The following DMD variants were observed in gnomAD, a reference collection of about 807,000 sequenced individuals.
DMD encodes dystrophin, also known as mutant dystrophin.
DMD carries 63 observed loss-of-function variants against 330.1 expected under a neutral mutation model. That is an observed-to-expected ratio of 0.19 (90% CI 0.16 to 0.24). The LOEUF (loss-of-function observed/expected upper bound fraction) is 0.24, where lower values mean the gene tolerates loss of function less well. Ranked by LOEUF, DMD falls within the 10% of genes least tolerant of loss-of-function variation. The pLI is 1.00. For missense variants in DMD, 3,344 were observed against 2,684.1 expected, an observed-to-expected ratio of 1.25 and a Z score of -5.43; for synonymous variants, 1,223 against 959.8, an observed-to-expected ratio of 1.27 and a Z score of -5.07.
At chrX:33,166,441 C>A (rs878992017) in intron 1 of DMD, among the ~76,000 whole-genome samples, 2 of 111,267 alleles carry the variant, frequency 1.8e-5, no homozygotes, top group Admixed American at 1.9e-4. Context: ...TGAAATAATA[C>A]AGCATAATTT....
At chrX:32,738,148 A>G (rs1649250878) in intron 7 of DMD, among the ~76,000 whole-genome samples, 1 of 111,980 alleles carries the variant, frequency 8.9e-6, no homozygotes, top group Non-Finnish European at 1.9e-5. Flanking sequence ...GAGGGTTACC[A>G]GTGACTTGGT....
At chrX:31,975,040 C>G (rs1320856818) in intron 44 of DMD, among the ~76,000 whole-genome samples, 1 of 109,560 alleles carries the variant, frequency 9.1e-6, no homozygotes, top group Non-Finnish European at 1.9e-5. Context: ...AAATGCTGCC[C>G]TGGGCCAAAA....
At chrX:31,343,173 G>A (rs5927009) in intron 61 of DMD, among the ~76,000 whole-genome samples, 31,376 of 110,751 alleles carry the variant, frequency 0.28, 3,349 homozygotes, top group East Asian at 0.55. Flanking sequence ...CATATGAAGA[G>A]ACTGACAATA....
chrX:32,495,706 A>T (rs1487957896), intron 19 of DMD, among the ~76,000 whole-genome samples: 3 of 111,929 alleles, frequency 2.7e-5, no homozygotes, highest in Non-Finnish European at 5.6e-5. Context: ...TATGGATTTT[A>T]TTATTATATA....
At chrX:33,025,904 A>G (rs2093987092) in intron 1 of DMD, among the ~76,000 whole-genome samples, 1 of 111,617 alleles carries the variant, frequency 9.0e-6, no homozygotes, top group African/African-American at 3.3e-5. Context: ...GCTAGTTAAT[A>G]TGTTAATTGA....
chrX:32,297,256 T>TTTA (rs1489538180), intron 42 of DMD, among the ~76,000 whole-genome samples: 1 of 99,761 alleles, frequency 1.0e-5, no homozygotes, highest in African/African-American at 3.8e-5. Context: ...TATTTATTTA[T>TTTA]TTATTTATTT....
intron 45 of DMD, among the ~76,000 whole-genome samples, chrX:31,952,582 T>C (rs1206838031): frequency 9.0e-6 from 1 of 110,975 alleles, no homozygotes; most frequent in Admixed American, 9.6e-5. Context: ...TTAGTTGAGA[T>C]TCTCTATTTG....
intron 55 of DMD, among the ~76,000 whole-genome samples, chrX:31,528,632 C>T (rs184179454): frequency 2.7e-5 from 3 of 112,288 alleles, no homozygotes; most frequent in East Asian, 5.6e-4. Flanking sequence ...TAAATCTTTT[C>T]GCTCCCTTCG....
chrX:32,699,969 T>C (rs1424572964), intron 7 of DMD, among the ~76,000 whole-genome samples: 1 of 112,047 alleles, frequency 8.9e-6, no homozygotes, highest in Admixed American at 9.5e-5. Context: ...CACATTAAGT[T>C]GATCTGACTT....
chrX:32,036,769 G>T (rs910210761), intron 44 of DMD, among the ~76,000 whole-genome samples: 2 of 111,922 alleles, frequency 1.8e-5, no homozygotes, highest in South Asian at 7.5e-4. Flanking sequence ...AGAGGTCCTA[G>T]ATCAAAACTA....
At chrX:31,193,774 A>C (rs1191805783) in intron 67 of DMD, among the ~76,000 whole-genome samples, 2 of 111,602 alleles carry the variant, frequency 1.8e-5, no homozygotes, top group Non-Finnish European at 3.8e-5. Context: ...ACAGAGCATC[A>C]TCTTATCGTC....
chrX:32,572,181 C>T (rs1222618677), intron 15 of DMD, among the ~76,000 whole-genome samples: 2 of 111,348 alleles, frequency 1.8e-5, no homozygotes, highest in African/African-American at 6.5e-5. Context: ...ACAAGTAATA[C>T]ATAAGTGAAT....
chrX:31,234,650 C>T (rs895046303), intron 63 of DMD, among the ~76,000 whole-genome samples: 16 of 112,152 alleles, frequency 1.4e-4, no homozygotes, highest in Non-Finnish European at 2.6e-4. Flanking sequence ...AAAGATTATT[C>T]ACCCTGTAAA....
chrX:32,799,736 C>A (rs954348528), intron 7 of DMD, among the ~76,000 whole-genome samples: 1 of 110,148 alleles, frequency 9.1e-6, no homozygotes, highest in Non-Finnish European at 1.9e-5. Context: ...GTCTGATTCA[C>A]AAAAGGATAT....
chrX:32,637,648 G>T (rs993940886), intron 11 of DMD, among the ~76,000 whole-genome samples: 6 of 111,528 alleles, frequency 5.4e-5, no homozygotes, highest in African/African-American at 2.0e-4. Context: ...GCATGGCTGG[G>T]GAGGCCTCAG....
chrX:32,403,553 T>A (rs1325619978), intron 30 of DMD, among the ~76,000 whole-genome samples: 2 of 111,773 alleles, frequency 1.8e-5, no homozygotes, highest in African/African-American at 6.5e-5. Context: ...CCAAGTACAG[T>A]CAGTGACGTG....
At chrX:31,897,161 GA>G (rs1472167063) in intron 47 of DMD, among the ~76,000 whole-genome samples, 1 of 109,714 alleles carries the variant, frequency 9.1e-6, no homozygotes, top group Non-Finnish European at 1.9e-5. Context: ...CTATGAGTGA[GA>G]ACATGCGGTG....
intron 44 of DMD, among the ~76,000 whole-genome samples, chrX:32,203,663 G>A (rs756864540): frequency 8.9e-6 from 1 of 111,891 alleles, no homozygotes; most frequent in South Asian, 3.7e-4. Flanking sequence ...ACAATCCAAT[G>A]CTCATGTCCT....
chrX:32,337,476 A>G (rs968943842), intron 41 of DMD, among the ~76,000 whole-genome samples: 2 of 109,447 alleles, frequency 1.8e-5, no homozygotes, highest in Non-Finnish European at 3.8e-5. Context: ...GTATTTAGAA[A>G]ATGGACATTT....
Sources: gnomAD v4.1 joint callset for allele counts (sites outside exome capture counted in the v4.1 genomes callset) on GRCh38, gnomAD v4.1.1 for gene constraint, MANE v1.5 for transcripts, NCBI Gene and HGNC (gene_info 2026-07-23, HGNC 2026-07-21) for gene names.